The following HRH4 variants were observed in gnomAD, a reference collection of about 807,000 sequenced individuals.
HRH4 encodes the protein histamine receptor H4.
In HRH4, 12 loss-of-function variants were observed where a neutral mutation model predicts 10.4. The observed-to-expected ratio is 1.15, with a 90% CI of 0.74 to 1.87. The LOEUF (loss-of-function observed/expected upper bound fraction) is 1.87, where lower values mean the gene tolerates loss of function less well. Ranked by LOEUF, HRH4 falls within the 40% of genes most tolerant of loss-of-function variation. The probability of loss-of-function intolerance (pLI) is 0.00; values close to 1 mark genes in which losing one functional copy is unlikely to be tolerated. For missense variants in HRH4, 415 were observed against 453.3 expected (o/e 0.92, Z 0.77); for synonymous variants, 154 against 166.6 (o/e 0.92, Z 0.58).
intron 1 of HRH4, among the ~76,000 whole-genome samples, chr18:24,467,301 T>C (rs569297433): frequency 1.3e-5 from 2 of 152,286 alleles, no homozygotes; most frequent in East Asian, 3.9e-4. Context: ...TTGTAGGAAA[T>C]ACAAAGATTG....
At position 24,460,903 on chromosome 18, in the gene HRH4, A is replaced by G. The variant is rs200830814; in HGVS notation, c.175A>G (p.Ile59Val). Residue 59 changes from isoleucine to valine, a missense_variant, in exon 1 of 3, where the codon ATC becomes GTC. By Grantham distance (29) the Ile-to-Val change is conservative. Transcript: ENST00000256906. ...RSSYFFLNLA[I>V]SDFFVGVISI... ...TAGTTATTTTTTTCTTAACTTGGCC[A>G]TCTCTGACTTCTTTGTGGGTAAGTT... 29 of 1,564,938 alleles carry G rather than the reference A, an allele frequency of 1.9e-5. No homozygotes were observed. Among genetic ancestry groups the G allele is most frequent in the Admixed American group, 1.0e-4 (6 of 58,472 alleles).
chr18:24,462,935 C>T (rs1251364591), intron 1 of HRH4, among the ~76,000 whole-genome samples: 2 of 152,158 alleles, frequency 1.3e-5, no homozygotes, highest in Non-Finnish European at 2.9e-5. Context: ...TTTGCTTCTT[C>T]CTTCTTCACA....
intron 1 of HRH4, 55 bp from the exon 2 acceptor site, chr18:24,468,733 C>A (rs1909846484): frequency 2.7e-6 from 4 of 1,468,078 alleles, no homozygotes; most frequent in Non-Finnish European, 3.7e-6. Context: ...AAAACATGCA[C>A]ATTTGTGTTC....
At chr18:24,464,907 TG>T (rs1909733757) in intron 1 of HRH4, among the ~76,000 whole-genome samples, 1 of 152,048 alleles carries the variant, frequency 6.6e-6, no homozygotes, top group African/African-American at 2.4e-5. Context: ...TAATTGCTAC[TG>T]AAAAAAATGC....
chr18:24,473,109 C>T (rs1035633585), intron 2 of HRH4, among the ~76,000 whole-genome samples: 5 of 151,846 alleles, frequency 3.3e-5, no homozygotes, highest in Admixed American at 1.3e-4. Flanking sequence ...GAGCCAAGAT[C>T]GCACCACTGC....
rs1411413924 is a variant in HRH4 at position 24,477,311 on chromosome 18, C to G, written c.922C>G (p.Leu308Val). ...GAGATTAGCCAAGTCACTGGCCATT[C>G]TCTTAGGGGTTTTTGCTGTTTGCTG... is the stretch of plus-strand genomic sequence containing the variant. ...ARRLAKSLAILLGVFAVCWAP... is the reference protein window; with the variant it reads ...ARRLAKSLAIVLGVFAVCWAP... The change falls in exon 3 of 3, where the codon CTC (leucine) becomes GTC (valine). Residue 308 changes from leucine (L) to valine (V), a missense_variant. Transcript: ENST00000256906. 7 of 1,614,072 alleles carry G rather than the reference C, an allele frequency of 4.3e-6. No homozygotes were observed. Among genetic ancestry groups the G allele is most frequent in the Non-Finnish European group, 5.9e-6 (7 of 1,180,032 alleles).
chr18:24,468,423 G>A (rs191954876), intron 1 of HRH4, among the ~76,000 whole-genome samples: 99 of 152,308 alleles, frequency 6.5e-4, no homozygotes, highest in Middle Eastern at 3.4e-3. Flanking sequence ...TTGTTATACT[G>A]TAGTGTTTAG....
At chr18:24,467,902 C>A (rs549423942) in intron 1 of HRH4, among the ~76,000 whole-genome samples, 1 of 151,982 alleles carries the variant, frequency 6.6e-6, no homozygotes, top group Non-Finnish European at 1.5e-5. Context: ...ATGATGTTGG[C>A]AGAGAAAAAA....
In HRH4 at chr18:24,460,686, C is replaced by A; in HGVS notation, c.-43C>A. On this transcript the variant is annotated 5_prime_UTR_variant, in exon 1 of 3. In the 5' UTR this introduces an upstream ATG that the reference lacks. Coordinates refer to ENST00000256906, the MANE Select transcript of HRH4 (RefSeq NM_021624.4). ...AAACATACTTGTCAGAATTGTCTGG[C>A]TGGATTAATTTGCTAATTTGACCTT... 1 of 1,312,426 alleles carries A rather than the reference C, an allele frequency of 7.6e-7. No individual in the cohort carries two copies. Among genetic ancestry groups the A allele is most frequent in the Non-Finnish European group, 1.0e-6 (1 of 961,306 alleles). The allele number at this position is 1,312,426 out of a possible 1,614,324, so 81.3% of individuals were successfully genotyped here.
At chr18:24,471,606 CAAAAAAAAA>C (rs60730879) in intron 2 of HRH4, among the ~76,000 whole-genome samples, 30 of 51,386 alleles carry the variant, frequency 5.8e-4, no homozygotes, top group Non-Finnish European at 8.3e-4. Flanking sequence ...GACTCCATCT[CAAAAAAAAA>C]AAAAAAAAAA....
rs1909613409 is a variant in HRH4 at position 24,460,804 on chromosome 18, G to C, written c.76G>C (p.Ala26Pro). ...VTLAFFMSLV[A>P]FAIMLGNALV... Reference sequence around the variant, plus strand: ...TTTAGCATTTTTTATGTCCTTAGTAGCTTTTGCTATAATGCTAGGAAATGC... The same window carrying C: ...TTTAGCATTTTTTATGTCCTTAGTACCTTTTGCTATAATGCTAGGAAATGC... The change falls in exon 1 of 3, where the codon GCT becomes CCT. Residue 26 changes from alanine to proline, a missense_variant. Physicochemically the swap from Ala to Pro is conservative, Grantham distance 27 (BLOSUM62 -1). Transcript: ENST00000256906. The C allele has an allele frequency of 6.3e-7, 1 of 1,584,566 alleles. No homozygotes were observed.
chr18:24,471,285 T>A (rs1454232432), intron 2 of HRH4, among the ~76,000 whole-genome samples: 1 of 151,998 alleles, frequency 6.6e-6, no homozygotes, highest in East Asian at 1.9e-4. Flanking sequence ...TGACCTTTTT[T>A]TTTCATTAAA....
intron 2 of HRH4, among the ~76,000 whole-genome samples, chr18:24,472,367 G>A (rs1909994199): frequency 6.6e-6 from 1 of 151,896 alleles, no homozygotes; most frequent in African/African-American, 2.4e-5. Flanking sequence ...TTTAAATCCT[G>A]GTCTTGCCTC....
intron 1 of HRH4, among the ~76,000 whole-genome samples, chr18:24,466,288 T>TA (rs1181215417): frequency 7.8e-3 from 34 of 4,382 alleles, no homozygotes; most frequent in African/African-American, 0.027. Flanking sequence ...AATTTTTGTA[T>TA]TTTTTTTTTT....
Position 24,478,670 on chromosome 18 carries a change from GA to G in HRH4, c.*1117del, listed in dbSNP as rs1232166007. 3 of 151,786 alleles carry G rather than the reference GA, an allele frequency of 2.0e-5. No homozygotes were observed. The highest frequency in any genetic ancestry group is 2.9e-5 in the Non-Finnish European group (2 of 67,940). 9.4% of individuals were successfully genotyped at this position (151,786 alleles called of 1,614,324 possible). ...AACAGAACAAGACTCTGTCTAAAAA[GA>G]AAAAAAAATTTTTTTGTTTAAGACA... On this transcript the variant is annotated 3_prime_UTR_variant, in exon 3 of 3. Coordinates refer to ENST00000256906, the MANE Select transcript of HRH4 (RefSeq NM_021624.4).
intron 1 of HRH4, among the ~76,000 whole-genome samples, chr18:24,464,156 C>T (rs1398252979): frequency 1.3e-5 from 2 of 152,096 alleles, no homozygotes; most frequent in African/African-American, 4.8e-5. Flanking sequence ...AACAAAATAC[C>T]CTAGACTGGG....
At chr18:24,463,430 A>G (rs1203141447) in intron 1 of HRH4, among the ~76,000 whole-genome samples, 1 of 152,188 alleles carries the variant, frequency 6.6e-6, no homozygotes, top group Non-Finnish European at 1.5e-5. Context: ...GCTTTTTGTA[A>G]CAGGATTCAA....
chr18:24,472,131 C>T (rs761790786), intron 2 of HRH4, among the ~76,000 whole-genome samples: 16 of 152,070 alleles, frequency 1.1e-4, no homozygotes, highest in Non-Finnish European at 1.3e-4. Flanking sequence ...CTGCAAACTC[C>T]CCCTCCCGGG....
intron 1 of HRH4, among the ~76,000 whole-genome samples, chr18:24,464,882 T>C (rs1230071294): frequency 6.6e-6 from 1 of 152,044 alleles, no homozygotes; most frequent in East Asian, 1.9e-4. Context: ...AATTTTATAG[T>C]ATTTTAGAGG....
Sources: allele counts gnomAD v4.1 joint callset (sites outside exome capture counted in the v4.1 genomes callset), GRCh38; gene constraint gnomAD v4.1.1; transcripts MANE v1.5; gene names NCBI Gene and HGNC (gene_info 2026-07-23, HGNC 2026-07-21).